The following MYH9 variants were observed in gnomAD, a reference collection of about 807,000 sequenced individuals.
MYH9 encodes myosin-9.
In MYH9, 29 loss-of-function variants were observed where a neutral mutation model predicts 241.9. The ratio of observed to expected loss-of-function variants is 0.12; its 90% CI spans 0.09 to 0.16. The LOEUF is 0.16. Among genes scored for constraint, MYH9 ranks in the 10% least tolerant of loss-of-function variants. The pLI, the probability that MYH9 is intolerant of heterozygous loss-of-function variation, is 1.00. For missense variants in MYH9, 1,803 were observed against 2,595.5 expected (o/e 0.69, Z 6.63); for synonymous variants, 1,047 against 1,062.6 (o/e 0.99, Z 0.29).
intron 2 of MYH9, 63 bp downstream of exon 2, chr22:36,348,841 G>GA: frequency 9.6e-7 from 1 of 1,041,770 alleles, no homozygotes; most frequent in South Asian, 1.5e-5. Flanking sequence ...GGGAAGACCC[G>GA]CCCCCCCCCC....
At chr22:36,363,706 T>G (rs1425770488) in intron 1 of MYH9, among the ~76,000 whole-genome samples, 1 of 152,126 alleles carries the variant, frequency 6.6e-6, no homozygotes. Context: ...AAAAGCAAAT[T>G]GTTTCAGGTA....
chr22:36,331,246 T>C (rs1442113150), intron 3 of MYH9, among the ~76,000 whole-genome samples: 1 of 152,104 alleles, frequency 6.6e-6, no homozygotes, highest in African/African-American at 2.4e-5. Flanking sequence ...TCGTACACGG[T>C]GTGAGGCAGA....
At chr22:36,339,290 C>T (rs1392291194) in intron 3 of MYH9, among the ~76,000 whole-genome samples, 5 of 152,210 alleles carry the variant, frequency 3.3e-5, no homozygotes, top group Non-Finnish European at 7.3e-5. Context: ...GGCCCTTACT[C>T]AGTAGCTCAG....
intron 1 of MYH9, among the ~76,000 whole-genome samples, chr22:36,369,204 T>C (rs2018055711): frequency 6.6e-6 from 1 of 152,198 alleles, no homozygotes; most frequent in Non-Finnish European, 1.5e-5. Flanking sequence ...TATCTATTTC[T>C]TTCTGTCTAA....
At chr22:36,385,513 T>G (rs987316134) in intron 1 of MYH9, among the ~76,000 whole-genome samples, 4 of 152,190 alleles carry the variant, frequency 2.6e-5, no homozygotes, top group Non-Finnish European at 5.9e-5. Context: ...ACATGCGTCC[T>G]TCATCCTACG....
At chr22:36,377,894 G>C (rs1446302724) in intron 1 of MYH9, among the ~76,000 whole-genome samples, 8 of 152,174 alleles carry the variant, frequency 5.3e-5, no homozygotes, top group Admixed American at 3.9e-4. Context: ...CTGGACGACA[G>C]AGCAAGACTC....
At chr22:36,308,806 AC>A in intron 15 of MYH9, 1 of 985,032 alleles carries the variant, frequency 1.0e-6, no homozygotes, top group Non-Finnish European at 1.2e-6. Context: ...GCGGCCAGTC[AC>A]CTGGTTCTAG....
chr22:36,376,758 C>T (rs78848299), intron 1 of MYH9, among the ~76,000 whole-genome samples: 5,469 of 152,246 alleles, frequency 0.036, 325 homozygotes, highest in African/African-American at 0.13. Flanking sequence ...GCCTCCCTGT[C>T]GCAGGCTTAG....
rs1603482715 is a variant in MYH9, at chr22:36,285,318, G to C, written c.5286C>G (p.Ile1762Met). 1 of 1,609,364 alleles carries C rather than the reference G, an allele frequency of 6.2e-7. No homozygotes were observed. Among genetic ancestry groups the C allele is most frequent in the Non-Finnish European group, 8.5e-7 (1 of 1,180,008 alleles). The change falls in exon 38 of 41, where the codon ATC becomes ATG. Residue 1762 changes from isoleucine (I) to methionine (M), a missense_variant. Ile to Met is a conservative substitution (Grantham distance 10, BLOSUM62 1). Transcript: ENST00000216181. This position sits in a 1 kb window ranked among gnomAD's most constrained non-coding sequence, Gnocchi z 7.0. ...LKKANLQIDQ[I>M]NTDLNLERSH... ...TGCGCTCCAGGTTCAGGTCGGTGTTGATCTGGTCGATCTGCAGAAGAAGGG... is the reference window on the plus strand; with the variant it reads ...TGCGCTCCAGGTTCAGGTCGGTGTTCATCTGGTCGATCTGCAGAAGAAGGG...
At chr22:36,382,698 T>C (rs893150798) in intron 1 of MYH9, among the ~76,000 whole-genome samples, 1 of 141,770 alleles carries the variant, frequency 7.1e-6, no homozygotes, top group Non-Finnish European at 1.5e-5. Context: ...GGCTACTCGG[T>C]AGGCTGAGGT....
rs781430899 is a variant in MYH9 at position 36,326,555 on chromosome 22, C to T, written c.612+13G>A. ...AAGCAGGCGGCCACAGGGACAAGGG[C>T]TGCAGCACTCACCTGGTCCTTCTTG... On this transcript the variant is annotated intron_variant, in intron 5 of 40. Coordinates refer to ENST00000216181, the MANE Select transcript of MYH9 (RefSeq NM_002473.6). 21 of 1,612,760 alleles carry T rather than the reference C, an allele frequency of 1.3e-5. No individual in the cohort carries two copies. The highest frequency in any genetic ancestry group is 1.7e-5 in the Non-Finnish European group (20 of 1,178,804).
chr22:36,286,106 G>GC (rs1280340196), intron 35 of MYH9, 153 bp from the exon 36 acceptor site: 7 of 760,492 alleles, frequency 9.2e-6, no homozygotes, highest in Middle Eastern at 6.8e-4. Context: ...CAGGGCTGGT[G>GC]CCCCCCTGAA....
At chr22:36,374,885 T>A (rs1163862296) in intron 1 of MYH9, among the ~76,000 whole-genome samples, 2 of 152,186 alleles carry the variant, frequency 1.3e-5, no homozygotes, top group Non-Finnish European at 1.5e-5. Context: ...TCTGGGCAAC[T>A]GAACGAGGTC....
chr22:36,325,768 G>A (rs1455157095), intron 5 of MYH9, among the ~76,000 whole-genome samples: 1 of 152,214 alleles, frequency 6.6e-6, no homozygotes, highest in African/African-American at 2.4e-5. Context: ...TGGAGTTTCT[G>A]AGAACAACTA....
intron 35 of MYH9, among the ~76,000 whole-genome samples, chr22:36,286,367 TC>T (rs2016580870): frequency 6.6e-6 from 1 of 151,984 alleles, no homozygotes; most frequent in Non-Finnish European, 1.5e-5. Flanking sequence ...CAGGGCACCC[TC>T]CAGACCTGGG....
chr22:36,359,217 G>C (rs1056996584), intron 1 of MYH9, among the ~76,000 whole-genome samples: 2 of 152,240 alleles, frequency 1.3e-5, no homozygotes, highest in African/African-American at 4.8e-5. Flanking sequence ...TTGAGGACAG[G>C]AATTGGGTCT....
intron 1 of MYH9, among the ~76,000 whole-genome samples, chr22:36,363,080 A>G (rs1176174713): frequency 1.3e-5 from 2 of 152,044 alleles, no homozygotes; most frequent in Non-Finnish European, 2.9e-5. Context: ...CATCTCCCCA[A>G]TTCTCCACAG....
chr22:36,354,063 G>A (rs541767488), intron 1 of MYH9, among the ~76,000 whole-genome samples: 5 of 152,204 alleles, frequency 3.3e-5, no homozygotes. Context: ...ACCACGCCTG[G>A]CTAATTTTTT....
At chr22:36,367,268 G>A (rs765926884) in intron 1 of MYH9, among the ~76,000 whole-genome samples, 6 of 152,172 alleles carry the variant, frequency 3.9e-5, no homozygotes, top group Non-Finnish European at 8.8e-5. Flanking sequence ...AAGAGTCCAC[G>A]TGGCACGGGA....
Sources: gnomAD v4.1 joint callset for allele counts (sites outside exome capture counted in the v4.1 genomes callset) on GRCh38, gnomAD v4.1.1 for gene constraint, Gnocchi (gnomAD v3.1) non-coding constraint, MANE v1.5 for transcripts, NCBI Gene and HGNC (gene_info 2026-07-23, HGNC 2026-07-21) for gene names.